The following MAPKBP1 variants were observed in gnomAD, a reference collection of about 807,000 sequenced individuals.
The protein encoded by MAPKBP1 is mitogen-activated protein kinase-binding protein 1.
MAPKBP1 carries 71 observed loss-of-function variants against 170.5 expected under a neutral mutation model. The observed-to-expected ratio is 0.42, with a 90% CI of 0.34 to 0.51. MAPKBP1 has a LOEUF of 0.51. Ranked by LOEUF, MAPKBP1 falls within the 20% of genes least tolerant of loss-of-function variation. The pLI, the probability that MAPKBP1 is intolerant of heterozygous loss-of-function variation, is 0.06. For synonymous variants in MAPKBP1, 719 were observed against 757.9 expected, an observed-to-expected ratio of 0.95 and a Z score of 0.84; for missense variants, 1,598 against 1,933.0, an observed-to-expected ratio of 0.83 and a Z score of 3.25.
intron 2 of MAPKBP1, among the ~76,000 whole-genome samples, chr15:41,779,608 G>A (rs1471998980): frequency 6.6e-6 from 1 of 152,172 alleles, no homozygotes; most frequent in African/African-American, 2.4e-5. Context: ...GCCTCCCAAA[G>A]TGCTGGGATT....
chr15:41,823,430 C>T lies in MAPKBP1; in HGVS notation c.3599-17C>T, dbSNP rs1425677635. On this transcript the variant is annotated splice_polypyrimidine_tract_variant and intron_variant, in intron 28 of 30. Transcript: ENST00000457542. Reference sequence around the variant, plus strand: ...TCCTCAACACCTGACCTGTGTATACCTCTGTCTCCTTTGCAGAAAGACATG... The same window carrying T: ...TCCTCAACACCTGACCTGTGTATACTTCTGTCTCCTTTGCAGAAAGACATG... The T allele has an allele frequency of 1.2e-6, 2 of 1,603,596 alleles. No individual in the cohort carries two copies. The highest frequency in any genetic ancestry group is 1.7e-6 in the Non-Finnish European group (2 of 1,174,000).
intron 2 of MAPKBP1, among the ~76,000 whole-genome samples, chr15:41,798,803 T>C (rs2064542326): frequency 6.6e-6 from 1 of 152,204 alleles, no homozygotes; most frequent in Non-Finnish European, 1.5e-5. Flanking sequence ...AGCAGAGTGC[T>C]GTCTAGCCTG....
rs1399454127 is a variant in MAPKBP1 at position 41,822,693 on chromosome 15, A to C, written c.3314+16A>C. The C allele has an allele frequency of 3.7e-6, 6 of 1,612,680 alleles. No homozygotes were observed. The African/African-American group carries it at 6.7e-5, about 18-fold the overall frequency. Reference sequence around the variant, plus strand: ...GCCCACTCAGGTACAGAGGCCCCCTACCCCCCAGCAGCAGCTCTGGCTCTC... The same window carrying C: ...GCCCACTCAGGTACAGAGGCCCCCTCCCCCCCAGCAGCAGCTCTGGCTCTC... On this transcript the variant is annotated intron_variant, in intron 27 of 30. Transcript: ENST00000457542.
intron 27 of MAPKBP1, 98 bp downstream of exon 27, chr15:41,822,775 G>T: frequency 6.6e-7 from 1 of 1,504,342 alleles, no homozygotes. Flanking sequence ...TCCATGCGCG[G>T]GGTGTTTTGC....
intron 2 of MAPKBP1, among the ~76,000 whole-genome samples, chr15:41,792,148 T>A (rs2064407475): frequency 1.3e-5 from 2 of 150,846 alleles, no homozygotes; most frequent in South Asian, 4.3e-4. Context: ...CGCCACCTGT[T>A]TTTTCCATCT....
chr15:41,813,554 A>C, intron 8 of MAPKBP1, 67 bp from the exon 9 acceptor site: 1 of 1,579,362 alleles, frequency 6.3e-7, no homozygotes, highest in South Asian at 1.1e-5. Flanking sequence ...GTGGCTGTTG[A>C]TGGGTGGGGA....
Position 41,784,797 on chromosome 15 carries a change from A to AT in MAPKBP1, c.114+9408_114+9409insT, listed in dbSNP as rs1383864642. On this transcript the variant is annotated intron_variant, in intron 2 of 30. Coordinates refer to ENST00000457542, the MANE Select transcript of MAPKBP1 (RefSeq NM_014994.3). ...CTCCGTCTCAAAAAAAAAAAAAAAA[A>AT]AAAAATTAGCTGGGACTTTGGGAGA... Among the ~76,000 whole-genome samples, 57 of 151,030 alleles carry AT rather than the reference A, an allele frequency of 3.8e-4. No individual in the cohort carries two copies. The South Asian group carries it at 9.2e-3, about 24-fold the overall frequency.
intron 2 of MAPKBP1, among the ~76,000 whole-genome samples, chr15:41,783,718 G>C (rs1054384780): frequency 6.6e-6 from 1 of 152,208 alleles, no homozygotes; most frequent in African/African-American, 2.4e-5. Context: ...GTAGCTGGGA[G>C]CATGCTCAGA....
chr15:41,805,958 A>G (rs1278577464), intron 3 of MAPKBP1, among the ~76,000 whole-genome samples: 4 of 152,158 alleles, frequency 2.6e-5, no homozygotes, highest in Non-Finnish European at 4.4e-5. Flanking sequence ...CAGGAGAACC[A>G]TGGACCTCTC....
At chr15:41,780,482 G>T (rs1052496370) in intron 2 of MAPKBP1, among the ~76,000 whole-genome samples, 6 of 152,200 alleles carry the variant, frequency 3.9e-5, no homozygotes, top group Non-Finnish European at 7.3e-5. Flanking sequence ...CTCATCCTCA[G>T]AGTATCCGTT....
At position 41,815,773 on chromosome 15, in the gene MAPKBP1, A is replaced by G. The variant is rs2064880332; in HGVS notation, c.1467A>G (p.Ala489=). 1 of 1,614,148 alleles carries G rather than the reference A, an allele frequency of 6.2e-7. No homozygotes were observed. The highest frequency in any genetic ancestry group is 8.5e-7 in the Non-Finnish European group (1 of 1,179,968). The change falls in exon 12 of 31, where the codon GCA becomes GCG. Residue 489 remains alanine, a synonymous_variant. Coordinates refer to ENST00000457542, the MANE Select transcript of MAPKBP1 (RefSeq NM_014994.3). ...VCVSPNGQHL[A]SGDRMGTLRV... ...TCAGCCCCAATGGACAGCATCTAGC[A>G]TCAGGGGACCGTATGGGCACACTTA...
rs773209717 is a variant in MAPKBP1 at position 41,819,603 on chromosome 15, C to T, written c.2434C>T (p.Pro812Ser). The change falls in exon 22 of 31, where the codon CCC becomes TCC. Residue 812 changes from proline to serine, a missense_variant. By Grantham distance (74) the Pro-to-Ser change is moderately conservative. Transcript: ENST00000457542. ...KSTKKALASV[P>S]SPALPRSLSH... ...TGCCTGTTTCTGTCTAGCCTCGGTC[C>T]CCAGCCCAGCTTTGCCCCGAAGCCT... is the stretch of plus-strand genomic sequence containing the variant. The T allele has an allele frequency of 6.2e-6, 10 of 1,612,534 alleles. No homozygotes were observed. Among genetic ancestry groups the T allele is most frequent in the Admixed American group, 1.7e-5 (1 of 59,954 alleles).
Position 41,803,927 on chromosome 15 carries a change from G to A in MAPKBP1, c.206+4013G>A, listed in dbSNP as rs149523107. ...ACGATCTCAGCTCACCGCAACCTCC[G>A]CCTCCTGGGTTCAAGCAATTCTCCT... is the stretch of plus-strand genomic sequence containing the variant. On this transcript the variant is annotated intron_variant, in intron 3 of 30. Coordinates refer to ENST00000457542, the MANE Select transcript of MAPKBP1 (RefSeq NM_014994.3). Among the ~76,000 whole-genome samples, 403 of 151,972 alleles carry A rather than the reference G, an allele frequency of 2.7e-3. 1 individual carries two copies. The highest frequency in any genetic ancestry group is 9.1e-3 in the African/African-American group (378 of 41,470).
At chr15:41,815,883 A>G (rs1203227712) in intron 12 of MAPKBP1, 84 bp downstream of exon 12, 6 of 1,411,542 alleles carry the variant, frequency 4.3e-6, no homozygotes, top group Non-Finnish European at 5.8e-6. Context: ...GTTTGGCTCA[A>G]AAAGATTGGG....
chr15:41,803,932 C>T (rs563385421), intron 3 of MAPKBP1, among the ~76,000 whole-genome samples: 113 of 152,176 alleles, frequency 7.4e-4, no homozygotes, highest in African/African-American at 2.6e-3. Flanking sequence ...CCTCCGCCTC[C>T]TGGGTTCAAG....
chr15:41,805,632 C>A (rs1283757168), intron 3 of MAPKBP1, among the ~76,000 whole-genome samples: 2 of 152,230 alleles, frequency 1.3e-5, no homozygotes, highest in East Asian at 3.8e-4. Context: ...GGAGGCCCTC[C>A]ATTTCCTCAG....
At chr15:41,814,453 C>G (rs1281635193) in intron 9 of MAPKBP1, 97 bp from the exon 10 acceptor site, 2 of 1,230,918 alleles carry the variant, frequency 1.6e-6, no homozygotes, top group Non-Finnish European at 2.3e-6. Flanking sequence ...CCTGCAGGTC[C>G]AGGGAGGGCT....
At position 41,812,034 on chromosome 15, in the gene MAPKBP1, T is replaced by C; in HGVS notation, c.405T>C (p.Tyr135=). Residue 135 remains tyrosine (Y), a synonymous_variant, in exon 6 of 31, where the codon TAT becomes TAC. Coordinates refer to ENST00000457542, the MANE Select transcript of MAPKBP1 (RefSeq NM_014994.3). ...TGGCCGAGCTGCAGGAGCACAAGTA[T>C]GGTGTGGCTTGTGTGGCCTTCTCTC... ...SQVAELQEHK[Y]GVACVAFSPS... The C allele has an allele frequency of 6.2e-7, 1 of 1,613,978 alleles. No homozygotes were observed. The highest frequency in any genetic ancestry group is 1.1e-5 in the South Asian group (1 of 91,066).
Position 41,826,807 on chromosome 15 carries a change from T to G in MAPKBP1, c.*1371T>G. 1 of 151,380 alleles carries G rather than the reference T, an allele frequency of 6.6e-6. No homozygotes were observed. Among genetic ancestry groups the G allele is most frequent in the Non-Finnish European group, 1.5e-5 (1 of 67,874 alleles). The allele number at this position is 151,380 out of a possible 1,614,324, so 9.4% of individuals were successfully genotyped here. ...AATGTAAAAGGGCAGTAATTAGGGG[T>G]GAGGGAAAGGAGATAGGGGACCCTA... On this transcript the variant is annotated 3_prime_UTR_variant, in exon 31 of 31. Transcript: ENST00000457542.
Sources: gnomAD v4.1 joint callset for allele counts (sites outside exome capture counted in the v4.1 genomes callset) on GRCh38, gnomAD v4.1.1 for gene constraint, MANE v1.5 for transcripts, NCBI Gene and HGNC (gene_info 2026-07-23, HGNC 2026-07-21) for gene names.